Variants in PAQR3 observed in about 807,000 individuals in gnomAD.
PAQR3 encodes the protein Raf kinase trapping to Golgi.
A neutral mutation model predicts 41.7 loss-of-function variants in PAQR3; 39 were observed. The ratio of observed to expected loss-of-function variants is 0.93; its 90% CI spans 0.72 to 1.22. The LOEUF (loss-of-function observed/expected upper bound fraction) is 1.22. Among genes scored for constraint, PAQR3 ranks in the 50% most tolerant of loss-of-function variants. The pLI, the probability that PAQR3 is intolerant of heterozygous loss-of-function variation, is 0.00. For synonymous variants in PAQR3, 140 were observed against 140.6 expected (o/e 1.00, Z 0.03); for missense variants, 366 against 385.6 (o/e 0.95, Z 0.42).
At chr4:78,890,349 T>A (rs1166131412) in intron 11 of PAQR3, among the ~76,000 whole-genome samples, 1 of 152,132 alleles carries the variant, frequency 6.6e-6, no homozygotes, top group Admixed American at 6.5e-5. Context: ...AAATGAGATT[T>A]TTTTTTGATT....
intron 11 of PAQR3, among the ~76,000 whole-genome samples, chr4:78,888,333 G>A (rs533413243): frequency 1.3e-5 from 2 of 152,162 alleles, no homozygotes; most frequent in African/African-American, 4.8e-5. Context: ...CTGCATAAAT[G>A]TGTTCCCTTA....
exon 13 of PAQR3, chr4:78,887,233 A>T (rs1274418373): frequency 6.2e-7 from 1 of 1,611,838 alleles, no homozygotes; most frequent in African/African-American, 1.3e-5. Context: ...TGCTCCACAT[A>T]ACCATCCTCC....
At position 78,916,961 on chromosome 4, in the gene PAQR3, G is replaced by A. The variant is rs1057033766; in HGVS notation, c.*3578C>T. The A allele has an allele frequency of 6.6e-6, 1 of 151,608 alleles. No homozygotes were observed. The highest frequency in any genetic ancestry group is 1.5e-5 in the Non-Finnish European group (1 of 67,800). The allele number at this position is 151,608 out of a possible 1,614,324, so 9.4% of individuals were successfully genotyped here. ...TTATGAATTAACTTTTTCTGAAGTTGTAACATTTATCTAAAGTTATGTGAA... is the reference window on the plus strand; with the variant it reads ...TTATGAATTAACTTTTTCTGAAGTTATAACATTTATCTAAAGTTATGTGAA... On this transcript the variant is annotated 3_prime_UTR_variant, in exon 6 of 6. Transcript: ENST00000512733.
At chr4:78,934,462 T>C (rs548666724) in intron 2 of PAQR3, among the ~76,000 whole-genome samples, 1 of 152,338 alleles carries the variant, frequency 6.6e-6, no homozygotes, top group South Asian at 2.1e-4. Context: ...GCAGAAAAAG[T>C]TGTTTTAAAT....
chr4:78,910,760 A>G (rs1560559701), downstream of PAQR3: 2 of 1,613,922 alleles, frequency 1.2e-6, no homozygotes, highest in East Asian at 2.2e-5. Flanking sequence ...AAGGGGAATG[A>G]TGAATCTGAA....
downstream of PAQR3, chr4:78,911,482 T>C (rs1395995766): frequency 1.2e-6 from 2 of 1,613,904 alleles, no homozygotes; most frequent in East Asian, 4.5e-5. Context: ...ACAGAAACTG[T>C]CCTCTCGCCA....
Position 78,917,840 on chromosome 4 carries a change from A to G in PAQR3, c.*2699T>C, listed in dbSNP as rs970050318. Reference sequence around the variant, plus strand: ...GGATATTCTGTCCAGGTGGGATGCCATAAGATGTGACAGACATTCCCTGAA... The same window carrying G: ...GGATATTCTGTCCAGGTGGGATGCCGTAAGATGTGACAGACATTCCCTGAA... On this transcript the variant is annotated 3_prime_UTR_variant, in exon 6 of 6. Transcript: ENST00000512733. 6.3e-5 allele frequency: 62 copies of G among 985,566 alleles called. No homozygotes were observed. In the African/African-American group the frequency reaches 9.8e-4, roughly 16 times the overall value. 61.1% of individuals were successfully genotyped at this position (985,566 alleles called of 1,614,324 possible).
At chr4:78,939,002 AG>A (rs1217702623) in intron 1 of PAQR3, 37 bp downstream of exon 1, 14 of 1,536,226 alleles carry the variant, frequency 9.1e-6, no homozygotes, top group Non-Finnish European at 1.2e-5. Flanking sequence ...TGTAGGTGAG[AG>A]AAGGGGGCAC....
downstream of PAQR3, among the ~76,000 whole-genome samples, chr4:78,908,135 G>A (rs114332531): frequency 6.6e-6 from 1 of 152,330 alleles, no homozygotes; most frequent in African/African-American, 2.4e-5. Context: ...AATACAGCAT[G>A]TAGCTCTTGG....
At chr4:78,896,453 G>C (rs367624794) in intron 11 of PAQR3, among the ~76,000 whole-genome samples, 20 of 152,282 alleles carry the variant, frequency 1.3e-4, no homozygotes, top group African/African-American at 4.8e-4. Context: ...CTTGCTGTGT[G>C]TATCAGTTTC....
rs993857998 is a variant in PAQR3, at chr4:78,917,167, CTTT to C, written c.*3369_*3371del. On this transcript the variant is annotated 3_prime_UTR_variant, in exon 6 of 6. Transcript: ENST00000512733. ...GCTATTTATTTTGGATAACGAATAC[CTTT>C]TTAAGGAAGCCCAGGTCAAGCATCA... 6.6e-6 allele frequency: 1 copy of C among 151,758 alleles called. No homozygotes were observed. Among genetic ancestry groups the C allele is most frequent in the African/African-American group, 2.4e-5 (1 of 41,358 alleles). 9.4% of individuals were successfully genotyped at this position (151,758 alleles called of 1,614,324 possible). A position where few individuals can be genotyped will look rare whatever the true frequency, so the allele number is the denominator to read the frequency against.
intron 11 of PAQR3, among the ~76,000 whole-genome samples, chr4:78,896,248 A>C (rs547856941): frequency 2.0e-5 from 3 of 152,326 alleles, no homozygotes; most frequent in South Asian, 2.1e-4. Context: ...CAAACTATCA[A>C]ATTTTGGCAG....
rs1319529413 is a variant in PAQR3, at chr4:78,919,652, T to C, written c.*887A>G. ...ATGGCCTTGCAAGTAGCACCCACAA[T>C]GCTGGGAACCCCCACCACTGGGATA... On this transcript the variant is annotated 3_prime_UTR_variant, in exon 6 of 6. Transcript: ENST00000512733. 2.4e-5 allele frequency: 24 copies of C among 985,008 alleles called. No homozygotes were observed. The highest frequency in any genetic ancestry group is 3.5e-5 in the African/African-American group (2 of 57,186). The allele number at this position is 985,008 out of a possible 1,614,324, so 61.0% of individuals were successfully genotyped here. A position where few individuals can be genotyped will look rare whatever the true frequency, so the allele number is the denominator to read the frequency against.
chr4:78,923,854 T>A lies in PAQR3; in HGVS notation c.793+3A>T, dbSNP rs893076712. The stretch of plus-strand genomic sequence containing the variant: ...ACAAAACTGCTATAAAAGAGATACC[T>A]ACCTGGAAAGTACCGCTCTGGGACT... On this transcript the variant is annotated splice_donor_region_variant and intron_variant, in intron 5 of 5. Transcript: ENST00000512733. 6.3e-7 allele frequency: 1 copy of A among 1,596,974 alleles called. No homozygotes were observed. The highest frequency in any genetic ancestry group is 8.6e-7 in the Non-Finnish European group (1 of 1,164,686).
chr4:78,896,029 G>A (rs1194730574), intron 11 of PAQR3, among the ~76,000 whole-genome samples: 1 of 152,156 alleles, frequency 6.6e-6, no homozygotes, highest in Non-Finnish European at 1.5e-5. Context: ...ACAATGCTGG[G>A]ATTACAGGCG....
At chr4:78,933,111 G>C (rs1186650353) in intron 2 of PAQR3, 2 of 453,908 alleles carry the variant, frequency 4.4e-6, no homozygotes, top group Admixed American at 4.7e-5. Context: ...AGTGTGTCTT[G>C]CTTCTTTTTT....
intron 11 of PAQR3, among the ~76,000 whole-genome samples, chr4:78,898,051 GA>G (rs1733796896): frequency 6.6e-6 from 1 of 152,198 alleles, no homozygotes; most frequent in Non-Finnish European, 1.5e-5. Context: ...GTTAAGCCCT[GA>G]GAAATGAATG....
At position 78,919,831 on chromosome 4, in the gene PAQR3, A is replaced by T; in HGVS notation, c.*708T>A. 1 of 982,700 alleles carries T rather than the reference A, an allele frequency of 1.0e-6. No individual in the cohort carries two copies. Among genetic ancestry groups the T allele is most frequent in the Non-Finnish European group, 1.2e-6 (1 of 827,374 alleles). The allele number at this position is 982,700 out of a possible 1,614,324, so 60.9% of individuals were successfully genotyped here. A position where few individuals can be genotyped will look rare whatever the true frequency, so the allele number is the denominator to read the frequency against. ...AATGACTATATTATTTGACCACATA[A>T]TTTGTTGTCTAATCTTGTACTTAGT... On this transcript the variant is annotated 3_prime_UTR_variant, in exon 6 of 6. Coordinates refer to ENST00000512733, the MANE Select transcript of PAQR3 (RefSeq NM_001040202.2).
intron 11 of PAQR3, among the ~76,000 whole-genome samples, chr4:78,903,230 GTATT>G (rs777879420): frequency 2.6e-5 from 4 of 151,820 alleles, no homozygotes; most frequent in African/African-American, 4.8e-5. Flanking sequence ...TCATGTTCTT[GTATT>G]TATTTGGTGA....
Sources: gnomAD v4.1 joint callset for allele counts (sites outside exome capture counted in the v4.1 genomes callset) on GRCh38, gnomAD v4.1.1 for gene constraint, MANE v1.5 for transcripts, NCBI Gene and HGNC (gene_info 2026-07-23, HGNC 2026-07-21) for gene names.